The following DLG2 variants were observed in gnomAD, a reference collection of about 807,000 sequenced individuals.
DLG2 encodes the protein disks large homolog 2.
Under a neutral mutation model 132.5 loss-of-function variants are expected in DLG2, and 45 were observed. The observed-to-expected ratio is 0.34, with a 90% CI of 0.27 to 0.44. DLG2 has a LOEUF of 0.44. DLG2 is among the 20% of genes least tolerant of loss of function. DLG2 has a pLI of 1.00. For synonymous variants in DLG2, 424 were observed against 419.6 expected, an observed-to-expected ratio of 1.01 and a Z score of -0.13; for missense variants, 1,045 against 1,196.9, an observed-to-expected ratio of 0.87 and a Z score of 1.87.
intron 6 of DLG2, among the ~76,000 whole-genome samples, chr11:84,710,826 A>G (rs1405515999): frequency 6.6e-6 from 1 of 151,460 alleles, no homozygotes; most frequent in Non-Finnish European, 1.5e-5. Flanking sequence ...ACACACACAA[A>G]TGGAAGTTTC....
chr11:84,902,254 A>C (rs2090978819), intron 6 of DLG2, among the ~76,000 whole-genome samples: 2 of 152,120 alleles, frequency 1.3e-5, no homozygotes, highest in Non-Finnish European at 1.5e-5. Context: ...CTACAGTTGG[A>C]ACCTGCAAAA....
intron 3 of DLG2, among the ~76,000 whole-genome samples, chr11:85,445,842 T>G (rs550375337): frequency 3.0e-4 from 45 of 152,332 alleles, no homozygotes; most frequent in African/African-American, 1.1e-3. Context: ...ATAAAAATTT[T>G]GGGATTGATG....
At chr11:85,517,367 G>T (rs1476122400) in intron 3 of DLG2, among the ~76,000 whole-genome samples, 2 of 152,042 alleles carry the variant, frequency 1.3e-5, no homozygotes, top group Non-Finnish European at 1.5e-5. Context: ...CCCTAAAACT[G>T]AAACAAGACA....
chr11:84,806,312 A>C (rs2075991908), intron 6 of DLG2, among the ~76,000 whole-genome samples: 1 of 152,196 alleles, frequency 6.6e-6, no homozygotes, highest in Non-Finnish European at 1.5e-5. Context: ...AAATCATAAC[A>C]AACAGATTCA....
intron 6 of DLG2, among the ~76,000 whole-genome samples, chr11:84,698,446 A>G (rs1235832806): frequency 6.6e-6 from 1 of 151,560 alleles, no homozygotes; most frequent in Non-Finnish European, 1.5e-5. Context: ...TCCAATTGCT[A>G]AACAGAAATA....
intron 4 of DLG2, among the ~76,000 whole-genome samples, chr11:85,235,382 T>G (rs149660504): frequency 9.4e-4 from 143 of 152,086 alleles, no homozygotes; most frequent in Non-Finnish European, 1.4e-3. Flanking sequence ...CATCCATCTA[T>G]CCATCCTTTC....
At chr11:84,858,214 T>C (rs1377278337) in intron 6 of DLG2, among the ~76,000 whole-genome samples, 1 of 152,032 alleles carries the variant, frequency 6.6e-6, no homozygotes, top group Non-Finnish European at 1.5e-5. Flanking sequence ...GTTTTCTTTT[T>C]TTTTATTTGC....
At chr11:85,463,733 T>C (rs72953908) in intron 3 of DLG2, among the ~76,000 whole-genome samples, 8 of 152,112 alleles carry the variant, frequency 5.3e-5, no homozygotes, top group Non-Finnish European at 7.4e-5. Flanking sequence ...ATCATGCCAC[T>C]GCATTCTAGT....
At chr11:85,316,104 G>A (rs151336344) in intron 3 of DLG2, among the ~76,000 whole-genome samples, 125 of 151,956 alleles carry the variant, frequency 8.2e-4, no homozygotes, top group African/African-American at 2.8e-3. Context: ...AGCACAGCTC[G>A]AACAGGTCAA....
chr11:84,729,578 T>A (rs2062908940), intron 6 of DLG2, among the ~76,000 whole-genome samples: 1 of 152,098 alleles, frequency 6.6e-6, no homozygotes. Context: ...GAGAGTTCTG[T>A]TCACCGTAAT....
chr11:85,189,957 G>A (rs2080406282), intron 4 of DLG2, among the ~76,000 whole-genome samples: 1 of 152,082 alleles, frequency 6.6e-6, no homozygotes, highest in Admixed American at 6.5e-5. Context: ...CACCTTGACT[G>A]GAGGATGTAT....
At chr11:83,602,926 T>C (rs2058772214) in intron 19 of DLG2, among the ~76,000 whole-genome samples, 1 of 152,190 alleles carries the variant, frequency 6.6e-6, no homozygotes. Flanking sequence ...ATTCTTATTA[T>C]TTTCCTTCAT....
At chr11:84,026,637 A>T (rs1052665473) in intron 11 of DLG2, among the ~76,000 whole-genome samples, 3 of 152,100 alleles carry the variant, frequency 2.0e-5, no homozygotes, top group Non-Finnish European at 2.9e-5. Context: ...TATAGTGCCT[A>T]ACTAAATTAA....
intron 6 of DLG2, among the ~76,000 whole-genome samples, chr11:84,826,206 A>G (rs1041682769): frequency 6.6e-5 from 10 of 151,896 alleles, no homozygotes; most frequent in African/African-American, 1.9e-4. Flanking sequence ...AAACAATCCA[A>G]TTACACTCTT....
intron 18 of DLG2, among the ~76,000 whole-genome samples, chr11:83,743,211 C>T (rs2153722495): frequency 6.6e-6 from 1 of 152,256 alleles, no homozygotes; most frequent in Non-Finnish European, 1.5e-5. Context: ...GCTAATGGGA[C>T]TACCCTCCAT....
At chr11:83,803,987 A>ATG (rs1353559430) in intron 17 of DLG2, among the ~76,000 whole-genome samples, 3 of 152,106 alleles carry the variant, frequency 2.0e-5, no homozygotes, top group African/African-American at 7.2e-5. Context: ...GTTTGGGCTT[A>ATG]TGTGTATCTT....
At chr11:84,493,011 T>C (rs1003805877) in intron 7 of DLG2, among the ~76,000 whole-genome samples, 13 of 152,026 alleles carry the variant, frequency 8.6e-5, no homozygotes, top group African/African-American at 3.1e-4. Flanking sequence ...AAATGGCCAT[T>C]GGGTATGGGA....
chr11:84,400,833 C>T (rs1320705204), intron 7 of DLG2, among the ~76,000 whole-genome samples: 2 of 151,946 alleles, frequency 1.3e-5, no homozygotes, highest in African/African-American at 2.4e-5. Context: ...TTCTAAATAA[C>T]AGATATTAGT....
intron 19 of DLG2, among the ~76,000 whole-genome samples, chr11:83,583,175 G>C (rs2097013607): frequency 6.6e-6 from 1 of 152,146 alleles, no homozygotes; most frequent in Admixed American, 6.5e-5. Flanking sequence ...ACTACCATTT[G>C]TTCAGCCTTT....
Sources: gnomAD v4.1 joint callset for allele counts (sites outside exome capture counted in the v4.1 genomes callset) on GRCh38, gnomAD v4.1.1 for gene constraint, MANE v1.5 for transcripts, NCBI Gene and HGNC (gene_info 2026-07-23, HGNC 2026-07-21) for gene names.